KCNMB2: variants seen among roughly 807,000 people sequenced by gnomAD.
KCNMB2 encodes the protein potassium calcium-activated channel subfamily M regulatory beta subunit 2, also known as calcium-activated potassium channel subunit beta-2.
KCNMB2 carries 9 observed loss-of-function variants against 24.5 expected under a neutral mutation model. The observed-to-expected ratio is 0.37, with a 90% confidence interval of 0.22 to 0.64. KCNMB2 has a LOEUF of 0.64. Among genes scored for constraint, KCNMB2 ranks in the 30% least tolerant of loss-of-function variants. The probability of loss-of-function intolerance (pLI) is 0.63; values close to 1 mark genes in which losing one functional copy is unlikely to be tolerated. For synonymous variants in KCNMB2, 109 were observed against 104.4 expected (o/e 1.04, Z -0.27); for missense variants, 226 against 284.3 (o/e 0.79, Z 1.47).
intron 1 of KCNMB2, among the ~76,000 whole-genome samples, chr3:178,688,807 T>G (rs955928505): frequency 6.6e-6 from 1 of 152,128 alleles, no homozygotes; most frequent in Non-Finnish European, 1.5e-5. Context: ...TTATTGAACA[T>G]GAGGCAAAGA....
chr3:178,772,013 G>T (rs540136518), intron 1 of KCNMB2, among the ~76,000 whole-genome samples: 17 of 151,708 alleles, frequency 1.1e-4, no homozygotes, highest in African/African-American at 4.1e-4. Flanking sequence ...TTACTTACTC[G>T]CCTCTAGCTA....
chr3:178,585,553 G>A (rs1444528755), intron 1 of KCNMB2, among the ~76,000 whole-genome samples: 2 of 152,136 alleles, frequency 1.3e-5, no homozygotes, highest in Admixed American at 6.5e-5. Context: ...GACAGGGCTG[G>A]AAACAGATTC....
chr3:178,820,684 A>C (rs550170863), intron 2 of KCNMB2: 35 of 152,786 alleles, frequency 2.3e-4, no homozygotes, highest in African/African-American at 8.4e-4. Flanking sequence ...ACATAAAAGG[A>C]GCTCAAAATA....
intron 1 of KCNMB2, among the ~76,000 whole-genome samples, chr3:178,566,560 T>C (rs1716527682): frequency 6.6e-6 from 1 of 151,020 alleles, no homozygotes; most frequent in Non-Finnish European, 1.5e-5. Context: ...TTAGTCTACC[T>C]AGCCATTACA....
chr3:178,715,117 T>G (rs1280017071), intron 1 of KCNMB2, among the ~76,000 whole-genome samples: 1 of 152,180 alleles, frequency 6.6e-6, no homozygotes, highest in Non-Finnish European at 1.5e-5. Context: ...AGAGTTTGGG[T>G]CTGATTTGAA....
At chr3:178,631,089 T>C (rs548799324) in intron 1 of KCNMB2, among the ~76,000 whole-genome samples, 1 of 152,216 alleles carries the variant, frequency 6.6e-6, no homozygotes, top group East Asian at 1.9e-4. Flanking sequence ...CTCTCCCTGA[T>C]GGAAGCTTAT....
chr3:178,735,595 C>T lies in KCNMB2; in HGVS notation c.-67-71748C>T, dbSNP rs116194979. Among the ~76,000 whole-genome samples, 1,196 of 152,268 alleles carry T rather than the reference C, an allele frequency of 7.9e-3. 14 individuals are homozygous for T. The highest frequency in any genetic ancestry group is 0.028 in the African/African-American group (1,163 of 41,574). ...CATGACTTTTTCTAAGCTCAGTTTC[C>T]AATCTTTACATATCTAAATCAATAC... On this transcript the variant is annotated intron_variant, in intron 1 of 4. Coordinates refer to ENST00000452583, the MANE Select transcript of KCNMB2 (RefSeq NM_181361.3).
intron 1 of KCNMB2, among the ~76,000 whole-genome samples, chr3:178,619,201 C>T (rs1718820357): frequency 6.6e-6 from 1 of 152,150 alleles, no homozygotes; most frequent in Non-Finnish European, 1.5e-5. Flanking sequence ...GAGAGTGAGA[C>T]TGGAGGGCCT....
rs141501244 is a variant in KCNMB2, at chr3:178,778,150, A to T, written c.-67-29193A>T. On this transcript the variant is annotated intron_variant, in intron 1 of 4. Coordinates refer to ENST00000452583, the MANE Select transcript of KCNMB2 (RefSeq NM_181361.3). Reference sequence around the variant, plus strand: ...TTTTGAAAGCAATATGCCAAAGGGAATTTGAGAGGAGTTTTATTTTGACCC... The same window carrying T: ...TTTTGAAAGCAATATGCCAAAGGGATTTTGAGAGGAGTTTTATTTTGACCC... Among the ~76,000 whole-genome samples, 230 of 152,246 alleles carry T rather than the reference A, an allele frequency of 1.5e-3. 3 individuals are homozygous for T. Among genetic ancestry groups the T allele is most frequent in the South Asian group, 0.011 (55 of 4,826 alleles).
At chr3:178,589,754 C>T (rs935829599) in intron 1 of KCNMB2, among the ~76,000 whole-genome samples, 6 of 152,188 alleles carry the variant, frequency 3.9e-5, no homozygotes, top group African/African-American at 7.2e-5. Context: ...GGTTCCCTCA[C>T]ATTTGAAAAG....
chr3:178,837,420 G>T (rs1478440713), intron 4 of KCNMB2, among the ~76,000 whole-genome samples: 1 of 152,112 alleles, frequency 6.6e-6, no homozygotes, highest in East Asian at 1.9e-4. Context: ...ACAGTAACCA[G>T]ATCTCCTGAG....
chr3:178,800,410 C>G (rs1206982240), intron 1 of KCNMB2, among the ~76,000 whole-genome samples: 2 of 152,004 alleles, frequency 1.3e-5, no homozygotes, highest in African/African-American at 4.8e-5. Context: ...AAATGGCAAA[C>G]AAGTATATGA....
At chr3:178,664,623 T>A (rs1198107679) in intron 1 of KCNMB2, among the ~76,000 whole-genome samples, 4 of 152,060 alleles carry the variant, frequency 2.6e-5, no homozygotes, top group Non-Finnish European at 5.9e-5. Context: ...CATCCCTGTA[T>A]CTGAAAGATT....
chr3:178,612,802 G>C (rs1322091227), intron 1 of KCNMB2, among the ~76,000 whole-genome samples: 2 of 151,908 alleles, frequency 1.3e-5, no homozygotes, highest in African/African-American at 4.8e-5. Flanking sequence ...GTTGTTTTAT[G>C]ATCTCCTTTT....
intron 2 of KCNMB2, among the ~76,000 whole-genome samples, chr3:178,814,359 T>C (rs534894423): frequency 7.1e-4 from 108 of 152,338 alleles, no homozygotes; most frequent in Non-Finnish European, 1.1e-3. Flanking sequence ...GGTGTATATG[T>C]ACCACATTTG....
intron 1 of KCNMB2, among the ~76,000 whole-genome samples, chr3:178,792,692 A>G (rs1713371884): frequency 6.6e-6 from 1 of 152,250 alleles, no homozygotes; most frequent in African/African-American, 2.4e-5. Context: ...TCACCTATAT[A>G]TACACATAGG....
chr3:178,677,198 C>A (rs6443559), intron 1 of KCNMB2, among the ~76,000 whole-genome samples: 108,023 of 152,052 alleles, frequency 0.71, 38,775 homozygotes, highest in African/African-American at 0.84. Context: ...GGGAGTGGAA[C>A]ATCAAACTCC....
At chr3:178,807,527 T>C in intron 2 of KCNMB2, 62 bp downstream of exon 2, 3 of 1,405,664 alleles carry the variant, frequency 2.1e-6, no homozygotes, top group South Asian at 2.3e-5. Context: ...CCAAAGAGGA[T>C]ACTGACAGGA....
intron 1 of KCNMB2, among the ~76,000 whole-genome samples, chr3:178,697,899 T>G (rs1483897186): frequency 3.7e-4 from 5 of 13,342 alleles, no homozygotes; most frequent in African/African-American, 1.1e-3. Context: ...GGGTTAAAAG[T>G]TTTTTTTTTA....
Sources: allele counts gnomAD v4.1 joint callset (sites outside exome capture counted in the v4.1 genomes callset), GRCh38; gene constraint gnomAD v4.1.1; transcripts MANE v1.5; gene names NCBI Gene and HGNC (gene_info 2026-07-23, HGNC 2026-07-21).